TMEM232: variants seen among roughly 807,000 people sequenced by gnomAD.
The protein encoded by TMEM232 is transmembrane protein 232.
In TMEM232, 80 loss-of-function variants were observed where a neutral mutation model predicts 78.8. The observed-to-expected ratio is 1.01, with a 90% CI of 0.85 to 1.22. TMEM232 has a LOEUF of 1.22. TMEM232 is among the 50% of genes most tolerant of loss of function. The probability of loss-of-function intolerance (pLI) is 0.00; values close to 1 mark genes in which losing one functional copy is unlikely to be tolerated. For missense variants in TMEM232, 881 were observed against 742.2 expected (o/e 1.19, Z -2.17); for synonymous variants, 297 against 254.3 (o/e 1.17, Z -1.60).
chr5:110,420,654 T>A lies in TMEM232; in HGVS notation c.1900A>T (p.Met634Leu). The A allele has an allele frequency of 2.6e-6, 4 of 1,526,746 alleles. No individual in the cohort carries two copies. The highest frequency in any genetic ancestry group is 3.5e-6 in the Non-Finnish European group (4 of 1,144,010). 94.6% of individuals were successfully genotyped at this position (1,526,746 alleles called of 1,614,324 possible). ...LAEKNHFQEV[M>L]KKREEKLHKQ... ...TGTAGTTTCTCTTCTCTTTTCTTCA[T>A]AACTTCTTGAAAGTGATTTTTCTCT... Residue 634 changes from methionine (M) to leucine (L), a missense_variant, in exon 14 of 14, where the codon ATG (methionine) becomes TTG (leucine). Transcript: ENST00000455884.
At chr5:110,676,478 A>C (rs1320305645) in intron 1 of TMEM232, among the ~76,000 whole-genome samples, 2 of 151,070 alleles carry the variant, frequency 1.3e-5, no homozygotes, top group African/African-American at 4.9e-5. Flanking sequence ...GGCTCACTGC[A>C]ATCTGCAACT....
intron 11 of TMEM232, among the ~76,000 whole-genome samples, chr5:110,532,686 A>C (rs1323702989): frequency 6.6e-6 from 1 of 151,922 alleles, no homozygotes; most frequent in Non-Finnish European, 1.5e-5. Context: ...TTCCCAATCC[A>C]AAGCCTCCTT....
At chr5:110,583,291 C>G (rs1223844193) in intron 10 of TMEM232, among the ~76,000 whole-genome samples, 1 of 151,882 alleles carries the variant, frequency 6.6e-6, no homozygotes, top group African/African-American at 2.4e-5. Context: ...AGCCTAAAGA[C>G]TGATATATAG....
chr5:110,536,388 G>A (rs1772362994), intron 11 of TMEM232, among the ~76,000 whole-genome samples: 1 of 152,232 alleles, frequency 6.6e-6, no homozygotes, highest in Admixed American at 6.5e-5. Context: ...GAAGGCCAAG[G>A]AGTGAATGAG....
At chr5:110,620,006 A>T (rs1295887674) in intron 7 of TMEM232, among the ~76,000 whole-genome samples, 1 of 152,176 alleles carries the variant, frequency 6.6e-6, no homozygotes, top group Non-Finnish European at 1.5e-5. Context: ...TTAATCATAG[A>T]TATTGCAGGA....
intron 1 of TMEM232, among the ~76,000 whole-genome samples, chr5:110,689,133 T>C (rs182639839): frequency 6.6e-6 from 1 of 152,280 alleles, no homozygotes; most frequent in African/African-American, 2.4e-5. Context: ...AGGCGCATCC[T>C]TAACTTTGGC....
At chr5:110,682,591 C>CA (rs1168978053) in intron 1 of TMEM232, among the ~76,000 whole-genome samples, 3 of 151,652 alleles carry the variant, frequency 2.0e-5, no homozygotes, top group South Asian at 4.2e-4. Context: ...CTGAAATGGC[C>CA]AAAAAAATGG....
At chr5:110,544,167 A>G (rs977104169) in intron 11 of TMEM232, among the ~76,000 whole-genome samples, 4 of 152,306 alleles carry the variant, frequency 2.6e-5, no homozygotes, top group African/African-American at 4.8e-5. Context: ...GTTTCCTTTT[A>G]TTAGTACATT....
At chr5:110,667,725 A>G (rs1790778935) in intron 1 of TMEM232, 1 of 156,290 alleles carries the variant, frequency 6.4e-6, no homozygotes, top group South Asian at 2.0e-4. Flanking sequence ...TTCCTCATAG[A>G]GTTCCTGTGA....
intron 11 of TMEM232, among the ~76,000 whole-genome samples, chr5:110,534,190 A>G (rs1771970791): frequency 6.6e-6 from 1 of 152,210 alleles, no homozygotes; most frequent in Admixed American, 6.5e-5. Flanking sequence ...CCCTTCTGTC[A>G]GACATAATTC....
chr5:110,490,119 C>T (rs1764869488), intron 12 of TMEM232, among the ~76,000 whole-genome samples: 1 of 75,610 alleles, frequency 1.3e-5, no homozygotes, highest in African/African-American at 4.0e-5. Context: ...AACTCCGTTT[C>T]AAAAAGAAAG....
At chr5:110,670,464 T>G (rs1238459775) in intron 1 of TMEM232, among the ~76,000 whole-genome samples, 1 of 152,108 alleles carries the variant, frequency 6.6e-6, no homozygotes, top group African/African-American at 2.4e-5. Context: ...TACAAACCAC[T>G]GCTCAACAAA....
At position 110,618,425 on chromosome 5, in the gene TMEM232, T is replaced by C; in HGVS notation, c.902+4A>G. ...TTACTTTGGATTTATAGGATCACTC[T>C]TACCAGCATTTCTTTTGAAGCTGTG... is the stretch of plus-strand genomic sequence containing the variant. On this transcript the variant is annotated splice_donor_region_variant and intron_variant, in intron 8 of 13. Transcript: ENST00000455884. 1 of 1,550,400 alleles carries C rather than the reference T, an allele frequency of 6.4e-7. No homozygotes were observed. The highest frequency in any genetic ancestry group is 8.7e-7 in the Non-Finnish European group (1 of 1,146,532).
At chr5:110,514,608 G>GA (rs1163399975) in intron 12 of TMEM232, among the ~76,000 whole-genome samples, 4 of 151,442 alleles carry the variant, frequency 2.6e-5, no homozygotes, top group Admixed American at 6.6e-5. Context: ...AAATCAATCA[G>GA]AAAAAAAACC....
intron 12 of TMEM232, among the ~76,000 whole-genome samples, chr5:110,466,380 T>C (rs1427301880): frequency 6.6e-6 from 1 of 152,154 alleles, no homozygotes; most frequent in Non-Finnish European, 1.5e-5. Context: ...AGTTTGCATA[T>C]TTGGCAAAAA....
chr5:110,568,486 C>T lies in TMEM232; in HGVS notation c.1416G>A (p.Glu472=). ...TTGCATTTTGGATTCGTACATCTTCCTCATAATCCTTTGTTTTCTGCAATG... is the reference window on the plus strand; with the variant it reads ...TTGCATTTTGGATTCGTACATCTTCTTCATAATCCTTTGTTTTCTGCAATG... ...WQTLQKTKDY[E]EDVRIQNAIN... Residue 472 remains glutamate (E), a synonymous_variant, in exon 11 of 14, where the codon GAG becomes GAA. Coordinates refer to ENST00000455884, the MANE Select transcript of TMEM232 (RefSeq NM_001039763.4). 2.6e-6 allele frequency: 4 copies of T among 1,548,514 alleles called. No individual in the cohort carries two copies. Among genetic ancestry groups the T allele is most frequent in the Non-Finnish European group, 3.5e-6 (4 of 1,145,356 alleles).
chr5:110,521,298 T>C (rs937563456), intron 12 of TMEM232, among the ~76,000 whole-genome samples: 6 of 152,210 alleles, frequency 3.9e-5, no homozygotes, highest in African/African-American at 1.4e-4. Flanking sequence ...TTTAACCTAT[T>C]TTTAGTAGAC....
At chr5:110,654,852 G>T (rs1477379027) in intron 2 of TMEM232, among the ~76,000 whole-genome samples, 1 of 152,090 alleles carries the variant, frequency 6.6e-6, no homozygotes, top group Non-Finnish European at 1.5e-5. Flanking sequence ...TCTCCTTGAA[G>T]AGGCCCTTCA....
intron 11 of TMEM232, among the ~76,000 whole-genome samples, chr5:110,552,083 C>A (rs1774541019): frequency 6.6e-6 from 1 of 152,070 alleles, no homozygotes; most frequent in East Asian, 1.9e-4. Flanking sequence ...TATATTTTGG[C>A]TTGTCTAAAA....
Sources: gnomAD v4.1 joint callset for allele counts (sites outside exome capture counted in the v4.1 genomes callset) on GRCh38, gnomAD v4.1.1 for gene constraint, MANE v1.5 for transcripts, NCBI Gene and HGNC (gene_info 2026-07-23, HGNC 2026-07-21) for gene names.